Variants in IL1RAPL1 observed in about 807,000 individuals in gnomAD.
IL1RAPL1 encodes the protein interleukin 1 receptor accessory protein like 1.
IL1RAPL1 carries 3 observed loss-of-function variants against 48.4 expected under a neutral mutation model. That is an observed-to-expected ratio of 0.06 (90% CI 0.03 to 0.16). IL1RAPL1 has a LOEUF of 0.16. Ranked by LOEUF, IL1RAPL1 falls within the 10% of genes least tolerant of loss-of-function variation. The probability of loss-of-function intolerance (pLI) is 1.00; values close to 1 mark genes in which losing one functional copy is unlikely to be tolerated. For missense variants in IL1RAPL1, 349 were observed against 530.6 expected (o/e 0.66, Z 3.36); for synonymous variants, 185 against 187.7 (o/e 0.99, Z 0.12).
intron 2 of IL1RAPL1, among the ~76,000 whole-genome samples, chrX:28,986,082 A>G (rs1925467987): frequency 2.7e-5 from 3 of 112,291 alleles, no homozygotes; most frequent in South Asian, 7.3e-4. Flanking sequence ...TTGTATTAGC[A>G]TCAGGTGGCT....
intron 1 of IL1RAPL1, among the ~76,000 whole-genome samples, chrX:28,666,183 C>T (rs1312613878): frequency 8.9e-6 from 1 of 112,103 alleles, no homozygotes; most frequent in Non-Finnish European, 1.9e-5. Context: ...CTAAGGATTG[C>T]TTCCTTTGTG....
intron 2 of IL1RAPL1, among the ~76,000 whole-genome samples, chrX:29,126,670 T>A (rs772144896): frequency 8.9e-6 from 1 of 112,505 alleles, no homozygotes; most frequent in African/African-American, 3.2e-5. Flanking sequence ...CAGGGTCATT[T>A]GTTGGTAAAA....
intron 6 of IL1RAPL1, among the ~76,000 whole-genome samples, chrX:29,735,952 T>C (rs1382984998): frequency 8.9e-6 from 1 of 112,303 alleles, no homozygotes; most frequent in African/African-American, 3.2e-5. Flanking sequence ...TACAAAGACA[T>C]GGAAGACAGA....
chrX:29,774,115 C>T (rs1041248002), intron 6 of IL1RAPL1, among the ~76,000 whole-genome samples: 2 of 110,701 alleles, frequency 1.8e-5, no homozygotes, highest in African/African-American at 6.6e-5. Flanking sequence ...CTTCCTCCTA[C>T]TTCTCTTCCT....
intron 6 of IL1RAPL1, among the ~76,000 whole-genome samples, chrX:29,906,350 C>CA (rs1211170701): frequency 0.012 from 1,094 of 90,363 alleles, 29 homozygotes; most frequent in African/African-American, 0.046. Context: ...AACAAACAAA[C>CA]AACAAAAAAA....
At chrX:28,739,178 T>C (rs763029048) in intron 1 of IL1RAPL1, among the ~76,000 whole-genome samples, 16 of 111,360 alleles carry the variant, frequency 1.4e-4, no homozygotes, top group Admixed American at 2.9e-4. Flanking sequence ...TTTCTTTTAA[T>C]CTTTTAAATT....
intron 5 of IL1RAPL1, among the ~76,000 whole-genome samples, chrX:29,616,912 C>T (rs1431448840): frequency 9.0e-6 from 1 of 111,308 alleles, no homozygotes; most frequent in Non-Finnish European, 1.9e-5. Flanking sequence ...TTTTGGAAGT[C>T]TGTCTTTTAA....
chrX:29,117,426 T>C (rs1204590335), intron 2 of IL1RAPL1, among the ~76,000 whole-genome samples: 1 of 112,315 alleles, frequency 8.9e-6, no homozygotes, highest in African/African-American at 3.2e-5. Flanking sequence ...ATAAGTTCTG[T>C]GATTTAAAAA....
At chrX:29,467,986 G>A (rs1258710109) in intron 5 of IL1RAPL1, among the ~76,000 whole-genome samples, 2 of 111,337 alleles carry the variant, frequency 1.8e-5, no homozygotes, top group Admixed American at 9.6e-5. Context: ...TCAGCCTCCT[G>A]AGTAGCTGGG....
At chrX:29,662,224 ACTCCAT>A in intron 5 of IL1RAPL1, among the ~76,000 whole-genome samples, 1 of 111,127 alleles carries the variant, frequency 9.0e-6, no homozygotes, top group East Asian at 2.8e-4. Context: ...TGCCAAGTAT[ACTCCAT>A]CTCAGCACCT....
intron 2 of IL1RAPL1, among the ~76,000 whole-genome samples, chrX:29,080,746 T>C (rs770346915): frequency 3.3e-4 from 31 of 94,169 alleles, no homozygotes; most frequent in African/African-American, 1.0e-3. Context: ...AGCAAATACT[T>C]TTTTTTTTTT....
At chrX:29,742,239 C>T (rs1487407463) in intron 6 of IL1RAPL1, among the ~76,000 whole-genome samples, 1 of 111,521 alleles carries the variant, frequency 9.0e-6, no homozygotes, top group East Asian at 2.8e-4. Context: ...TGCCTCTGAC[C>T]GTTCTATTTG....
At chrX:29,706,086 T>C (rs781240300) in intron 6 of IL1RAPL1, among the ~76,000 whole-genome samples, 1 of 111,079 alleles carries the variant, frequency 9.0e-6, no homozygotes, top group East Asian at 2.8e-4. Context: ...GCAGAGAAAC[T>C]CCCGTTTTTA....
chrX:28,728,920 C>T (rs947686444), intron 1 of IL1RAPL1, among the ~76,000 whole-genome samples: 3 of 111,212 alleles, frequency 2.7e-5, no homozygotes, highest in Non-Finnish European at 5.7e-5. Flanking sequence ...ATATTTGCTG[C>T]TCTAAAAGTC....
Position 29,565,614 on chromosome X carries a change from G to A in IL1RAPL1, c.704-102816G>A, listed in dbSNP as rs148653333. 6.2e-3 allele frequency among the ~76,000 whole-genome samples: 693 copies of A among 111,797 alleles called. 3 individuals are homozygous for A. Among genetic ancestry groups the A allele is most frequent in the African/African-American group, 0.021 (643 of 30,836 alleles). Reference sequence around the variant, plus strand: ...TACTATTTTCTACTCACCAGATTGCGTAAATTCTAAATTGTCAGACAATTG... The same window carrying A: ...TACTATTTTCTACTCACCAGATTGCATAAATTCTAAATTGTCAGACAATTG... On this transcript the variant is annotated intron_variant, in intron 5 of 10. Coordinates refer to ENST00000378993, the MANE Select transcript of IL1RAPL1 (RefSeq NM_014271.4).
At chrX:29,056,617 G>C (rs898919419) in intron 2 of IL1RAPL1, among the ~76,000 whole-genome samples, 5 of 111,741 alleles carry the variant, frequency 4.5e-5, no homozygotes, top group Non-Finnish European at 7.5e-5. Flanking sequence ...CAGACATGAA[G>C]AAAGTATTTC....
intron 5 of IL1RAPL1, among the ~76,000 whole-genome samples, chrX:29,511,534 G>T (rs5971547): frequency 0.4 from 44,046 of 110,309 alleles, 6,619 homozygotes; most frequent in East Asian, 0.69. Flanking sequence ...CTACTTATAA[G>T]ACTTATTTTT....
chrX:29,722,088 A>G (rs1026984539), intron 6 of IL1RAPL1, among the ~76,000 whole-genome samples: 3 of 111,583 alleles, frequency 2.7e-5, no homozygotes, highest in African/African-American at 6.5e-5. Context: ...TATTTAAGGT[A>G]TGCAACATGG....
chrX:28,974,077 C>T (rs755557732), intron 2 of IL1RAPL1, among the ~76,000 whole-genome samples: 4 of 111,565 alleles, frequency 3.6e-5, no homozygotes, highest in South Asian at 3.7e-4. Context: ...GGGTCTACTA[C>T]GGGCCTGCAG....
Sources: allele counts gnomAD v4.1 joint callset (sites outside exome capture counted in the v4.1 genomes callset), GRCh38; gene constraint gnomAD v4.1.1; transcripts MANE v1.5; gene names NCBI Gene and HGNC (gene_info 2026-07-23, HGNC 2026-07-21).